DOCK9: variants seen among roughly 807,000 people sequenced by gnomAD.
DOCK9 encodes the protein dedicator of cytokinesis 9.
In DOCK9, 89 loss-of-function variants were observed where a neutral mutation model predicts 263.3. The observed-to-expected ratio is 0.34, with a 90% CI of 0.28 to 0.40. The LOEUF (loss-of-function observed/expected upper bound fraction) is 0.40, where lower values mean the gene tolerates loss of function less well. Ranked by LOEUF, DOCK9 falls within the 10% of genes least tolerant of loss-of-function variation. The pLI, the probability that DOCK9 is intolerant of heterozygous loss-of-function variation, is 1.00. For synonymous variants in DOCK9, 976 were observed against 973.1 expected (o/e 1.00, Z -0.06); for missense variants, 2,140 against 2,603.4 (o/e 0.82, Z 3.87).
intron 2 of DOCK9, 72 bp downstream of exon 2, chr13:98,955,363 C>A: frequency 2.0e-6 from 2 of 986,782 alleles, no homozygotes; most frequent in South Asian, 1.9e-5. Context: ...AACAATAAAT[C>A]AATACATAGA....
At chr13:98,884,538 G>A (rs1222952215) in intron 21 of DOCK9, among the ~76,000 whole-genome samples, 1 of 152,168 alleles carries the variant, frequency 6.6e-6, no homozygotes. Context: ...AGAAATCTGG[G>A]GAAAATTAGG....
intron 1 of DOCK9, among the ~76,000 whole-genome samples, chr13:98,989,481 C>A (rs867636251): frequency 6.6e-6 from 1 of 152,098 alleles, no homozygotes; most frequent in African/African-American, 2.4e-5. Context: ...GAGACCTATG[C>A]TGCAGGCTTT....
At chr13:99,030,953 T>C (rs925904858) in intron 1 of DOCK9, among the ~76,000 whole-genome samples, 1 of 152,208 alleles carries the variant, frequency 6.6e-6, no homozygotes, top group Non-Finnish European at 1.5e-5. Context: ...TAAATGTTCA[T>C]GCTTGCTACA....
At chr13:99,045,487 G>A (rs1323933442) in intron 1 of DOCK9, among the ~76,000 whole-genome samples, 1 of 152,070 alleles carries the variant, frequency 6.6e-6, no homozygotes, top group Non-Finnish European at 1.5e-5. Context: ...TAGAATGGTG[G>A]TTACCAGGGG....
chr13:98,973,702 A>G (rs969856827), intron 1 of DOCK9, among the ~76,000 whole-genome samples: 2 of 152,056 alleles, frequency 1.3e-5, no homozygotes, highest in Non-Finnish European at 2.9e-5. Flanking sequence ...GGCTCAAGCA[A>G]TCCTCCCACC....
intron 1 of DOCK9, among the ~76,000 whole-genome samples, chr13:99,017,113 G>A (rs905273604): frequency 1.3e-5 from 2 of 152,178 alleles, no homozygotes; most frequent in Non-Finnish European, 2.9e-5. Flanking sequence ...TTGGCCACAT[G>A]CAAAAAACAG....
intron 13 of DOCK9, 48 bp from the exon 14 acceptor site, chr13:98,898,309 G>T: frequency 6.9e-7 from 1 of 1,457,460 alleles, no homozygotes. Context: ...CTCACTGAAA[G>T]AACTGTGACC....
In DOCK9 at chr13:98,953,484, G is replaced by A. The variant is rs80355408; in HGVS notation, c.243+1951C>T. ...GATGACACTCAACTAACTGTATCTC[G>A]TTTCTTTGGTTTGTTTCTTAAGCAA... On this transcript the variant is annotated intron_variant, in intron 2 of 52. Coordinates refer to ENST00000682017, the MANE Select transcript of DOCK9 (RefSeq NM_001366683.2). Among the ~76,000 whole-genome samples the A allele has an allele frequency of 9.1e-3, 1,384 of 152,274 alleles. 12 individuals are homozygous for A. The highest frequency in any genetic ancestry group is 0.027 in the Middle Eastern group (8 of 294).
chr13:98,954,909 C>T (rs2057857506), intron 2 of DOCK9, among the ~76,000 whole-genome samples: 1 of 143,964 alleles, frequency 6.9e-6, no homozygotes, highest in Non-Finnish European at 1.5e-5. Flanking sequence ...TTTTGGCATA[C>T]TTATAATTAA....
At chr13:98,818,693 T>G (rs540471585) in intron 45 of DOCK9, among the ~76,000 whole-genome samples, 12 of 152,130 alleles carry the variant, frequency 7.9e-5, no homozygotes, top group African/African-American at 2.9e-4. Flanking sequence ...AGCCTAGACT[T>G]AAAAGGAACT....
At chr13:99,028,114 T>C (rs543102608) in intron 1 of DOCK9, among the ~76,000 whole-genome samples, 1 of 152,300 alleles carries the variant, frequency 6.6e-6, no homozygotes, top group East Asian at 1.9e-4. Flanking sequence ...TTTTCATCCC[T>C]GCTAGTACAG....
intron 1 of DOCK9, among the ~76,000 whole-genome samples, chr13:99,060,217 G>A (rs1224681734): frequency 6.6e-6 from 1 of 151,490 alleles, no homozygotes; most frequent in Non-Finnish European, 1.5e-5. Flanking sequence ...GGGACTACAG[G>A]CACCCGTCAC....
At chr13:98,841,322 A>T (rs2093203633) in intron 38 of DOCK9, among the ~76,000 whole-genome samples, 1 of 152,226 alleles carries the variant, frequency 6.6e-6, no homozygotes, top group South Asian at 2.1e-4. Context: ...GTGGGACCTC[A>T]TATGAAGTAA....
At chr13:98,846,664 G>T in intron 37 of DOCK9, 1 of 789,356 alleles carries the variant, frequency 1.3e-6, no homozygotes, top group Non-Finnish European at 1.9e-6. Context: ...TGAGACCAGG[G>T]CTGCAATGAC....
chr13:98,956,752 A>G (rs2058100838), intron 1 of DOCK9, among the ~76,000 whole-genome samples: 1 of 152,208 alleles, frequency 6.6e-6, no homozygotes, highest in Non-Finnish European at 1.5e-5. Flanking sequence ...ATCTCAAAAA[A>G]CAAAAATTAA....
intron 1 of DOCK9, among the ~76,000 whole-genome samples, chr13:99,077,040 C>G (rs1439971312): frequency 6.6e-6 from 1 of 151,978 alleles, no homozygotes; most frequent in African/African-American, 2.4e-5. Flanking sequence ...AGCTTTTTAC[C>G]TCCTGGAGTA....
intron 15 of DOCK9, among the ~76,000 whole-genome samples, chr13:98,892,993 G>T (rs759315887): frequency 6.6e-6 from 1 of 152,174 alleles, no homozygotes; most frequent in African/African-American, 2.4e-5. Flanking sequence ...TTTGAAAGAT[G>T]AGTAGAGTTC....
intron 9 of DOCK9, 129 bp downstream of exon 9, chr13:98,914,199 C>A: frequency 1.3e-6 from 1 of 783,216 alleles, no homozygotes; most frequent in Non-Finnish European, 2.0e-6. Context: ...GTAATCAGGT[C>A]AGAAAAAGAG....
At chr13:98,888,939 T>C (rs1053168507) in intron 15 of DOCK9, among the ~76,000 whole-genome samples, 2 of 152,136 alleles carry the variant, frequency 1.3e-5, no homozygotes, top group African/African-American at 2.4e-5. Context: ...TTAATCAGTA[T>C]AAAAAATGTG....
Sources: allele counts gnomAD v4.1 joint callset (sites outside exome capture counted in the v4.1 genomes callset), GRCh38; gene constraint gnomAD v4.1.1; transcripts MANE v1.5; gene names NCBI Gene and HGNC (gene_info 2026-07-23, HGNC 2026-07-21).